The following SGCZ variants were observed in gnomAD, a reference collection of about 807,000 sequenced individuals.
SGCZ encodes the protein sarcoglycan zeta.
SGCZ carries 40 observed loss-of-function variants against 41.3 expected under a neutral mutation model. That is an observed-to-expected ratio of 0.97 (90% CI 0.75 to 1.26). The LOEUF (loss-of-function observed/expected upper bound fraction) is 1.26. Ranked by LOEUF, SGCZ falls within the 50% of genes most tolerant of loss-of-function variation. The probability of loss-of-function intolerance (pLI) is 0.00; values close to 1 mark genes in which losing one functional copy is unlikely to be tolerated. For synonymous variants in SGCZ, 206 were observed against 137.5 expected (o/e 1.50, Z -3.49); for missense variants, 552 against 369.8 (o/e 1.49, Z -4.04).
At chr8:14,640,047 C>G (rs1042867503) in intron 1 of SGCZ, among the ~76,000 whole-genome samples, 15 of 151,582 alleles carry the variant, frequency 9.9e-5, no homozygotes, top group Non-Finnish European at 1.5e-5. Context: ...TTAAGTTTTT[C>G]TTAATAAAAG....
intron 1 of SGCZ, among the ~76,000 whole-genome samples, chr8:14,569,859 G>T (rs1041204485): frequency 6.6e-6 from 1 of 152,028 alleles, no homozygotes; most frequent in African/African-American, 2.4e-5. Flanking sequence ...GGTGGAGTGG[G>T]GAGGCAGATG....
chr8:14,563,390 C>T (rs553443398), intron 1 of SGCZ, among the ~76,000 whole-genome samples: 1 of 152,232 alleles, frequency 6.6e-6, no homozygotes, highest in South Asian at 2.1e-4. Context: ...TAAATGACTC[C>T]TGTTAATAGG....
intron 3 of SGCZ, among the ~76,000 whole-genome samples, chr8:14,273,830 T>A (rs926957153): frequency 6.6e-6 from 1 of 152,116 alleles, no homozygotes; most frequent in Non-Finnish European, 1.5e-5. Flanking sequence ...TATTTTATAT[T>A]TTATCTCAGC....
intron 1 of SGCZ, among the ~76,000 whole-genome samples, chr8:15,189,891 G>T (rs1240624089): frequency 6.6e-6 from 1 of 152,108 alleles, no homozygotes; most frequent in African/African-American, 2.4e-5. Flanking sequence ...GCCATATTCA[G>T]AATTTTGTTT....
chr8:14,122,156 A>G (rs1802716599), intron 5 of SGCZ, among the ~76,000 whole-genome samples: 1 of 152,218 alleles, frequency 6.6e-6, no homozygotes, highest in Non-Finnish European at 1.5e-5. Context: ...AGGCGCCTGT[A>G]GTCCCAGCTA....
chr8:15,151,660 T>C (rs1799182942), intron 1 of SGCZ, among the ~76,000 whole-genome samples: 1 of 152,236 alleles, frequency 6.6e-6, no homozygotes, highest in Middle Eastern at 3.2e-3. Context: ...TGTACATGTA[T>C]ACACATACAT....
At position 14,090,332 on chromosome 8, in the gene SGCZ, T is replaced by C. The variant is rs1801647797; in HGVS notation, c.*111A>G. ...TCCCTGCTCACACTGGAAGTTGCTC[T>C]GTGGACCATTCGAAGAAGCTCTGGA... On this transcript the variant is annotated 3_prime_UTR_variant, in exon 8 of 8. Transcript: ENST00000382080. 8.7e-7 allele frequency: 1 copy of C among 1,152,736 alleles called. No individual in the cohort carries two copies. The highest frequency in any genetic ancestry group is 2.9e-4 in the Middle Eastern group (1 of 3,430). The allele number at this position is 1,152,736 out of a possible 1,614,324, so 71.4% of individuals were successfully genotyped here.
chr8:14,710,616 A>G (rs1451867108), intron 1 of SGCZ, among the ~76,000 whole-genome samples: 1 of 151,966 alleles, frequency 6.6e-6, no homozygotes, highest in Admixed American at 6.6e-5. Context: ...TTGTGTATTT[A>G]TTGTTTACGA....
At chr8:14,614,996 ATATG>A (rs1445380247) in intron 1 of SGCZ, among the ~76,000 whole-genome samples, 5 of 115,240 alleles carry the variant, frequency 4.3e-5, no homozygotes, top group African/African-American at 1.1e-4. Context: ...GTGTGTGTAT[ATATG>A]TGTGTGTGTG....
intron 3 of SGCZ, among the ~76,000 whole-genome samples, chr8:14,252,983 A>AGG (rs1799334814): frequency 6.6e-6 from 1 of 152,160 alleles, no homozygotes; most frequent in Non-Finnish European, 1.5e-5. Context: ...TTATTTCAGA[A>AGG]CATACAGCCT....
intron 1 of SGCZ, among the ~76,000 whole-genome samples, chr8:14,635,807 T>C (rs951917382): frequency 1.3e-5 from 2 of 152,046 alleles, no homozygotes; most frequent in Non-Finnish European, 2.9e-5. Context: ...TGCAGACTGC[T>C]ATACTGTAAT....
intron 1 of SGCZ, among the ~76,000 whole-genome samples, chr8:14,610,040 A>T (rs1805876585): frequency 6.6e-6 from 1 of 152,180 alleles, no homozygotes; most frequent in Non-Finnish European, 1.5e-5. Context: ...ATTTAAATCA[A>T]TTGATATTAA....
chr8:14,763,230 C>A (rs1251838242), intron 1 of SGCZ, among the ~76,000 whole-genome samples: 1 of 152,040 alleles, frequency 6.6e-6, no homozygotes, highest in Non-Finnish European at 1.5e-5. Context: ...TTTCTAGGAG[C>A]GTCTTATATT....
rs146673179 is a variant in SGCZ, at chr8:15,079,211, A to T, written c.39+158374T>A. Among the ~76,000 whole-genome samples, 135 of 152,344 alleles carry T rather than the reference A, an allele frequency of 8.9e-4. 1 individual carries two copies. In the East Asian group the frequency reaches 0.023, roughly 26 times the overall value. On this transcript the variant is annotated intron_variant, in intron 1 of 7. Transcript: ENST00000382080. ...CCTATATTTACTTGTATTCACTACC[A>T]GTCTTTATTAAATTTATTATAGGCA... is the stretch of plus-strand genomic sequence containing the variant.
At chr8:14,188,607 T>A (rs759768747) in intron 4 of SGCZ, among the ~76,000 whole-genome samples, 11 of 152,138 alleles carry the variant, frequency 7.2e-5, no homozygotes, top group Non-Finnish European at 1.5e-4. Context: ...ATGGAAAAAT[T>A]CTGAAATTGA....
chr8:14,750,087 T>C (rs1276427927), intron 1 of SGCZ, among the ~76,000 whole-genome samples: 1 of 152,170 alleles, frequency 6.6e-6, no homozygotes, highest in Non-Finnish European at 1.5e-5. Flanking sequence ...GTCTTAATAG[T>C]CCAAATTAAT....
At chr8:14,422,281 G>A (rs80168088) in intron 2 of SGCZ, among the ~76,000 whole-genome samples, 4,382 of 152,232 alleles carry the variant, frequency 0.029, 91 homozygotes, top group Non-Finnish European at 0.043. Context: ...AATACAAGGA[G>A]TCTGGATCTT....
chr8:14,385,749 A>C (rs1365599001), intron 2 of SGCZ, among the ~76,000 whole-genome samples: 2 of 152,204 alleles, frequency 1.3e-5, no homozygotes, highest in Non-Finnish European at 2.9e-5. Flanking sequence ...AAAAACAAAA[A>C]AACAAAATCC....
At chr8:14,616,983 T>A (rs1430091706) in intron 1 of SGCZ, among the ~76,000 whole-genome samples, 1 of 152,072 alleles carries the variant, frequency 6.6e-6, no homozygotes, top group African/African-American at 2.4e-5. Flanking sequence ...GTTTTCACAT[T>A]CCTTTAATAT....
Sources: allele counts gnomAD v4.1 joint callset (sites outside exome capture counted in the v4.1 genomes callset), GRCh38; gene constraint gnomAD v4.1.1; transcripts MANE v1.5; gene names NCBI Gene and HGNC (gene_info 2026-07-23, HGNC 2026-07-21).